Variants in KLF8 observed in about 807,000 individuals in gnomAD.
The protein encoded by KLF8 is KLF transcription factor 8.
In KLF8, 10 loss-of-function variants were observed where a neutral mutation model predicts 18.2. The observed-to-expected ratio is 0.55, with a 90% CI of 0.34 to 0.93. The LOEUF (loss-of-function observed/expected upper bound fraction) is 0.93, where lower values mean the gene tolerates loss of function less well. KLF8 is among the 40% of genes least tolerant of loss of function. The pLI is 0.02. For missense variants in KLF8, 264 were observed against 277.9 expected (o/e 0.95, Z 0.36); for synonymous variants, 109 against 97.3 (o/e 1.12, Z -0.71).
chrX:56,135,322 C>T, the KLF8 span, among the ~76,000 whole-genome samples: 1 of 111,554 alleles, frequency 9.0e-6, no homozygotes, highest in Non-Finnish European at 1.9e-5. Flanking sequence ...CAATCATAGA[C>T]TGGATTAAGA....
At chrX:56,034,046 G>T in the KLF8 span, among the ~76,000 whole-genome samples, 1 of 111,646 alleles carries the variant, frequency 9.0e-6, no homozygotes, top group Non-Finnish European at 1.9e-5. Context: ...ATTTTTGTTC[G>T]TGTTGCCTAA....
At chrX:55,941,261 T>G in the KLF8 span, among the ~76,000 whole-genome samples, 1 of 111,925 alleles carries the variant, frequency 8.9e-6, no homozygotes, top group Non-Finnish European at 1.9e-5. Flanking sequence ...CAAAAACAAG[T>G]AATGGGGAAA....
chrX:56,183,354 C>A, the KLF8 span, among the ~76,000 whole-genome samples: 1 of 111,995 alleles, frequency 8.9e-6, no homozygotes, highest in East Asian at 2.8e-4. Flanking sequence ...CCTGATTTTC[C>A]AGATACTGTC....
At chrX:56,115,285 A>T in the KLF8 span, among the ~76,000 whole-genome samples, 1 of 110,876 alleles carries the variant, frequency 9.0e-6, no homozygotes, top group African/African-American at 3.3e-5. Flanking sequence ...CCATTTAAAA[A>T]ATATATTAAG....
the KLF8 span, among the ~76,000 whole-genome samples, chrX:55,980,839 G>T: frequency 8.9e-6 from 1 of 112,038 alleles, no homozygotes; most frequent in Non-Finnish European, 1.9e-5. Flanking sequence ...TAAAATCTTA[G>T]GCTTCTCCCC....
chrX:56,148,900 T>C, the KLF8 span, among the ~76,000 whole-genome samples: 5 of 112,171 alleles, frequency 4.5e-5, no homozygotes, highest in Non-Finnish European at 7.5e-5. Flanking sequence ...ACAGCCAAAC[T>C]ATATCAAAAT....
the KLF8 span, among the ~76,000 whole-genome samples, chrX:56,068,718 A>G: frequency 9.0e-6 from 1 of 111,644 alleles, no homozygotes; most frequent in East Asian, 2.8e-4. Context: ...TGCCAATGGT[A>G]GCCAGGCAAG....
the KLF8 span, among the ~76,000 whole-genome samples, chrX:56,217,352 T>C: frequency 2.7e-5 from 3 of 111,653 alleles, no homozygotes; most frequent in Admixed American, 9.5e-5. Context: ...TTCCATCTAA[T>C]TGGATTTGTA....
At chrX:56,258,777 A>C (rs1204377631) in intron 2 of KLF8, among the ~76,000 whole-genome samples, 1 of 111,644 alleles carries the variant, frequency 9.0e-6, no homozygotes, top group Non-Finnish European at 1.9e-5. Flanking sequence ...ATTTTTAGAA[A>C]AGCCTGAGTG....
chrX:56,031,645 A>G, the KLF8 span, among the ~76,000 whole-genome samples: 1 of 111,782 alleles, frequency 8.9e-6, no homozygotes, highest in South Asian at 3.8e-4. Flanking sequence ...TCCACAGGGC[A>G]GGCCTAAGCT....
Position 56,232,553 on chromosome X carries a change from G to A in KLF8, c.-782G>A, listed in dbSNP as rs929664285. 9.0e-6 allele frequency: 1 copy of A among 111,402 alleles called. No homozygotes were observed. The highest frequency in any genetic ancestry group is 3.3e-5 in the African/African-American group (1 of 30,630). The allele number at this position is 111,402 out of a possible 1,213,427, so 9.2% of individuals were successfully genotyped here. A position where few individuals can be genotyped will look rare whatever the true frequency, so the allele number is the denominator to read the frequency against. Reference sequence around the variant, plus strand: ...CGCGAGGTACCCCGTGGGGCAGCTAGGTGCCTCCAAGAAACCCCGCCCCAG... The same window carrying A: ...CGCGAGGTACCCCGTGGGGCAGCTAAGTGCCTCCAAGAAACCCCGCCCCAG... On this transcript the variant is annotated 5_prime_UTR_variant, in exon 1 of 6. Transcript: ENST00000468660.
the KLF8 span, among the ~76,000 whole-genome samples, chrX:56,183,654 C>G: frequency 9.0e-6 from 1 of 110,850 alleles, no homozygotes; most frequent in Non-Finnish European, 1.9e-5. Flanking sequence ...AAAAAATTTG[C>G]AAAAACTAAA....
At chrX:55,992,433 C>G in the KLF8 span, among the ~76,000 whole-genome samples, 2 of 111,837 alleles carry the variant, frequency 1.8e-5, no homozygotes, top group Non-Finnish European at 3.8e-5. Flanking sequence ...TTTCTGGGCT[C>G]TCTAACCTGT....
chrX:55,972,991 C>A, the KLF8 span, among the ~76,000 whole-genome samples: 1 of 112,333 alleles, frequency 8.9e-6, no homozygotes, highest in Non-Finnish European at 1.9e-5. Flanking sequence ...GTAATTAAAA[C>A]ACCATGGTAC....
At chrX:55,966,182 T>C in the KLF8 span, among the ~76,000 whole-genome samples, 1 of 112,704 alleles carries the variant, frequency 8.9e-6, no homozygotes, top group African/African-American at 3.2e-5. Context: ...AGATGGCATG[T>C]CTGGACTTGG....
intron 2 of KLF8, among the ~76,000 whole-genome samples, chrX:56,254,367 C>T (rs890259573): frequency 9.0e-6 from 1 of 111,385 alleles, no homozygotes; most frequent in East Asian, 2.8e-4. Context: ...TGGGCACCGG[C>T]AGGAGCAAAA....
the KLF8 span, among the ~76,000 whole-genome samples, chrX:56,111,222 G>T: frequency 2.7e-5 from 3 of 112,202 alleles, no homozygotes; most frequent in Non-Finnish European, 5.6e-5. Context: ...ATTTATGTGT[G>T]ATGCATTATT....
At chrX:56,149,703 G>A in the KLF8 span, among the ~76,000 whole-genome samples, 1 of 111,593 alleles carries the variant, frequency 9.0e-6, no homozygotes, top group Non-Finnish European at 1.9e-5. Context: ...TAAAAATTGA[G>A]TTATTTGCTA....
the KLF8 span, among the ~76,000 whole-genome samples, chrX:55,963,311 G>T: frequency 8.9e-6 from 1 of 112,008 alleles, no homozygotes; most frequent in African/African-American, 3.2e-5. Context: ...GTCTTCTGTT[G>T]AGATGTTGTC....
Sources: gnomAD v4.1 joint callset for allele counts (sites outside exome capture counted in the v4.1 genomes callset) on GRCh38, gnomAD v4.1.1 for gene constraint, MANE v1.5 for transcripts, NCBI Gene and HGNC (gene_info 2026-07-23, HGNC 2026-07-21) for gene names.